The following UBXN2B variants were observed in gnomAD, a reference collection of about 807,000 sequenced individuals.
UBXN2B encodes the protein UBX domain-containing protein 2B.
A neutral mutation model predicts 37.5 loss-of-function variants in UBXN2B; 19 were observed. That is an observed-to-expected ratio of 0.51 (90% CI 0.35 to 0.74). UBXN2B has a LOEUF of 0.74. Ranked by LOEUF, UBXN2B falls within the 30% of genes least tolerant of loss-of-function variation. UBXN2B has a pLI of 0.01. For synonymous variants in UBXN2B, 145 were observed against 143.8 expected (o/e 1.01, Z -0.06); for missense variants, 370 against 393.2 (o/e 0.94, Z 0.50).
At chr8:58,426,669 C>T in intron 2 of UBXN2B, 1 of 734,674 alleles carries the variant, frequency 1.4e-6, no homozygotes, top group Non-Finnish European at 2.6e-6. Context: ...TGGGTGAAAC[C>T]ATCTCTACAA....
chr8:58,424,543 G>C, intron 2 of UBXN2B: 4 of 873,308 alleles, frequency 4.6e-6, no homozygotes, highest in Non-Finnish European at 7.6e-6. Context: ...TAGGGAGAGA[G>C]TGAAGTCCAC....
chr8:58,432,821 T>G (rs1179679376), intron 3 of UBXN2B, among the ~76,000 whole-genome samples: 2 of 152,086 alleles, frequency 1.3e-5, no homozygotes, highest in Non-Finnish European at 1.5e-5. Context: ...TTTGGGGAGG[T>G]TATCTAAACT....
Position 58,445,939 on chromosome 8 carries a change from C to G in UBXN2B, c.704C>G (p.Ser235Cys), listed in dbSNP as rs771043437. The change falls in exon 7 of 8, where the codon TCT becomes TGT. Residue 235 changes from serine to cysteine, a missense_variant. Around this residue, in one of 3 missense-constraint regions of UBXN2B, gnomAD observed 90 missense variants for 139.4 expected, o/e 0.65. Transcript: ENST00000399598. Reference protein sequence around the residue: ...LTPEIVSTPSSPEEEDKSILN... With the variant: ...LTPEIVSTPSCPEEEDKSILN... ...CCTGAAATAGTCAGTACACCTTCCT[C>G]TCCAGAAGAGGAGGATAAATCAATA... The G allele has an allele frequency of 6.2e-7, 1 of 1,611,344 alleles. No homozygotes were observed. The highest frequency in any genetic ancestry group is 2.2e-5 in the East Asian group (1 of 44,672).
intron 2 of UBXN2B, among the ~76,000 whole-genome samples, chr8:58,418,446 C>A (rs1807841826): frequency 6.6e-6 from 1 of 152,124 alleles, no homozygotes; most frequent in Non-Finnish European, 1.5e-5. Flanking sequence ...AGCTCAGCTA[C>A]ATAATCTAAA....
intron 2 of UBXN2B, among the ~76,000 whole-genome samples, chr8:58,424,015 A>G (rs1297480822): frequency 6.6e-6 from 1 of 152,108 alleles, no homozygotes; most frequent in African/African-American, 2.4e-5. Context: ...ATGCAAAGGT[A>G]GACCAGTCAG....
At chr8:58,434,243 G>T in intron 4 of UBXN2B, 152 bp from the exon 5 acceptor site, 1 of 227,580 alleles carries the variant, frequency 4.4e-6, no homozygotes, top group African/African-American at 2.3e-5. Context: ...TATGAATAAA[G>T]AATAGTAGAA....
chr8:58,427,023 A>G (rs1808117649), intron 2 of UBXN2B, among the ~76,000 whole-genome samples: 1 of 152,258 alleles, frequency 6.6e-6, no homozygotes, highest in Admixed American at 6.5e-5. Flanking sequence ...ACACATAGTC[A>G]TCCCTTGATA....
chr8:58,440,036 T>C (rs1808505534), intron 6 of UBXN2B, among the ~76,000 whole-genome samples: 1 of 152,232 alleles, frequency 6.6e-6, no homozygotes, highest in Admixed American at 6.5e-5. Context: ...ATGTGTTATC[T>C]CACTTAATCT....
At chr8:58,424,811 A>G (rs1808035245) in intron 2 of UBXN2B, 1 of 1,446,256 alleles carries the variant, frequency 6.9e-7, no homozygotes, top group Non-Finnish European at 9.7e-7. Context: ...GTTTCAGTAT[A>G]ATGCTGGACC....
Position 58,446,059 on chromosome 8 carries a change from G to A in UBXN2B, c.824G>A (p.Ser275Asn), listed in dbSNP as rs1410479667. ...DGSRLIQRFN[S>N]THRILDVRNF... is the part of the protein sequence containing the mutation. ...AGTCGTTTGATACAAAGATTCAATA[G>A]TACACACAGGTAAGCTTCTTTACCA... Residue 275 changes from serine to asparagine, a missense_variant, in exon 7 of 8, where the codon AGT becomes AAT. By Grantham distance (46) the Ser-to-Asn change is conservative. Around this residue, in one of 3 missense-constraint regions of UBXN2B, gnomAD observed 83 missense variants for 83.5 expected, o/e 0.99. Transcript: ENST00000399598. 3 of 1,607,306 alleles carry A rather than the reference G, an allele frequency of 1.9e-6. No homozygotes were observed. Among genetic ancestry groups the A allele is most frequent in the East Asian group, 2.2e-5 (1 of 44,498 alleles).
chr8:58,421,045 G>A lies in UBXN2B; in HGVS notation c.188+4092G>A, dbSNP rs367644152. ...TCTAAGTTTCCCTTATGGATACTAA[G>A]CTAAAATAAAACACTTCACAATTGC... On this transcript the variant is annotated intron_variant, in intron 2 of 7. Coordinates refer to ENST00000399598, the MANE Select transcript of UBXN2B (RefSeq NM_001077619.2). 3.9e-5 allele frequency among the ~76,000 whole-genome samples: 6 copies of A among 152,156 alleles called. 1 individual carries two copies. Among genetic ancestry groups the A allele is most frequent in the Admixed American group, 1.3e-4 (2 of 15,284 alleles).
At chr8:58,424,558 AT>A in intron 2 of UBXN2B, 2 of 981,164 alleles carry the variant, frequency 2.0e-6, no homozygotes, top group Non-Finnish European at 3.3e-6. Context: ...GTCCACATCT[AT>A]TTTTGTGCTG....
chr8:58,447,420 T>C lies in UBXN2B; in HGVS notation c.865T>C (p.Ser289Pro), dbSNP rs773872313. Reference sequence around the variant, plus strand: ...GGATGTCCGGAACTTTATTGTACAGTCTCGTCCTGAATTTGCGGCTCTTGA... The same window carrying C: ...GGATGTCCGGAACTTTATTGTACAGCCTCGTCCTGAATTTGCGGCTCTTGA... ...ILDVRNFIVQ[S>P]RPEFAALDFI... is the part of the protein sequence containing the mutation. Residue 289 changes from serine to proline, a missense_variant, in exon 8 of 8, where the codon TCT (serine) becomes CCT (proline). By Grantham distance (74) the Ser-to-Pro change is moderately conservative. Coordinates refer to ENST00000399598, the MANE Select transcript of UBXN2B (RefSeq NM_001077619.2). 1.9e-6 allele frequency: 3 copies of C among 1,612,026 alleles called. No individual in the cohort carries two copies. The highest frequency in any genetic ancestry group is 2.5e-6 in the Non-Finnish European group (3 of 1,178,998).
Position 58,448,827 on chromosome 8 carries a change from T to C in UBXN2B, c.*1276T>C. 1 of 152,558 alleles carries C rather than the reference T, an allele frequency of 6.6e-6. No homozygotes were observed. The highest frequency in any genetic ancestry group is 1.9e-4 in the East Asian group (1 of 5,192). 9.5% of individuals were successfully genotyped at this position (152,558 alleles called of 1,614,324 possible). A position where few individuals can be genotyped will look rare whatever the true frequency, so the allele number is the denominator to read the frequency against. Reference sequence around the variant, plus strand: ...TCTGGTTAGTTTTCCATTGCCACCATAACAAGTTACAAAATGTGGCTTAAA... The same window carrying C: ...TCTGGTTAGTTTTCCATTGCCACCACAACAAGTTACAAAATGTGGCTTAAA... On this transcript the variant is annotated 3_prime_UTR_variant, in exon 8 of 8. Transcript: ENST00000399598.
At chr8:58,413,217 A>G (rs1807684003) in intron 1 of UBXN2B, 1 of 152,094 alleles carries the variant, frequency 6.6e-6, no homozygotes, top group African/African-American at 2.4e-5. Flanking sequence ...AGGTTAGGGC[A>G]GTAGGAAGAT....
chr8:58,424,692 G>GC (rs1178127629), intron 2 of UBXN2B: 2 of 1,313,104 alleles, frequency 1.5e-6, no homozygotes, highest in Admixed American at 1.7e-5. Flanking sequence ...CAAGGCGGGG[G>GC]GGGGGGCTCT....
chr8:58,418,576 A>G (rs1807845156), intron 2 of UBXN2B, among the ~76,000 whole-genome samples: 1 of 152,212 alleles, frequency 6.6e-6, no homozygotes, highest in African/African-American at 2.4e-5. Flanking sequence ...GGTATGCTAG[A>G]TAAGTGATAT....
chr8:58,417,544 G>A (rs1283193095), intron 2 of UBXN2B, among the ~76,000 whole-genome samples: 1 of 152,306 alleles, frequency 6.6e-6, no homozygotes, highest in African/African-American at 2.4e-5. Flanking sequence ...ACAACCAACT[G>A]TGAAGACTTA....
intron 2 of UBXN2B, among the ~76,000 whole-genome samples, chr8:58,421,698 C>A (rs911780455): frequency 2.0e-5 from 3 of 152,146 alleles, no homozygotes; most frequent in Non-Finnish European, 4.4e-5. Flanking sequence ...TCCATCATCC[C>A]AGCCTCTCTG....
Sources: gnomAD v4.1 joint callset for allele counts (sites outside exome capture counted in the v4.1 genomes callset) on GRCh38, gnomAD v4.1.1 for gene constraint, gnomAD v4.1.1 regional missense constraint, MANE v1.5 for transcripts, NCBI Gene and HGNC (gene_info 2026-07-23, HGNC 2026-07-21) for gene names.